ITGB3BP: variants seen among roughly 807,000 people sequenced by gnomAD.
ITGB3BP encodes the protein centromere protein R.
In ITGB3BP, 27 loss-of-function variants were observed where a neutral mutation model predicts 29.1. The observed-to-expected ratio is 0.93, with a 90% CI of 0.68 to 1.28. The LOEUF is 1.28. Among genes scored for constraint, ITGB3BP ranks in the 50% most tolerant of loss-of-function variants. The pLI is 0.00. For missense variants in ITGB3BP, 192 were observed against 200.2 expected (o/e 0.96, Z 0.25); for synonymous variants, 61 against 61.4 (o/e 0.99, Z 0.03).
chr1:63,478,551 A>C (rs972863799), intron 4 of ITGB3BP, among the ~76,000 whole-genome samples: 2 of 152,228 alleles, frequency 1.3e-5, no homozygotes, highest in African/African-American at 2.4e-5. Context: ...ACAGGGCTCA[A>C]TGAGTATTAA....
At chr1:63,500,669 T>G (rs1450058988) in intron 2 of ITGB3BP, among the ~76,000 whole-genome samples, 1 of 152,200 alleles carries the variant, frequency 6.6e-6, no homozygotes, top group South Asian at 2.1e-4. Context: ...CATTCATGGT[T>G]TGGATGACTT....
Position 63,523,172 on chromosome 1 carries a change from C to G in ITGB3BP, c.-39G>C. Reference sequence around the variant, plus strand: ...AAAGCACCACTGCCGCTGAATAAAACGAACCCAGCAACTTCCGAAAACAGA... The same window carrying G: ...AAAGCACCACTGCCGCTGAATAAAAGGAACCCAGCAACTTCCGAAAACAGA... On this transcript the variant is annotated 5_prime_UTR_variant, in exon 1 of 9. Transcript: ENST00000271002. 3 of 1,613,622 alleles carry G rather than the reference C, an allele frequency of 1.9e-6. No homozygotes were observed. Among genetic ancestry groups the G allele is most frequent in the Admixed American group, 1.7e-5 (1 of 60,024 alleles).
intron 8 of ITGB3BP, among the ~76,000 whole-genome samples, chr1:63,446,373 T>A (rs982222422): frequency 6.6e-6 from 1 of 152,228 alleles, no homozygotes; most frequent in Non-Finnish European, 1.5e-5. Context: ...CTAATAAATA[T>A]AGATTTATTT....
chr1:63,461,598 T>C (rs1247423428), intron 4 of ITGB3BP, among the ~76,000 whole-genome samples: 2 of 152,234 alleles, frequency 1.3e-5, no homozygotes, highest in African/African-American at 4.8e-5. Context: ...TAAATGGTTT[T>C]AGCCCTTATA....
At chr1:63,448,958 G>C (rs935661012) in intron 7 of ITGB3BP, among the ~76,000 whole-genome samples, 2 of 152,164 alleles carry the variant, frequency 1.3e-5, no homozygotes, top group African/African-American at 4.8e-5. Context: ...TGGCAAATGT[G>C]TATGAGTCAG....
At chr1:63,524,879 A>G (rs1646556531), upstream of ITGB3BP, among the ~76,000 whole-genome samples, 1 of 152,222 alleles carries the variant, frequency 6.6e-6, no homozygotes, top group Non-Finnish European at 1.5e-5. Context: ...TCTTATGTAC[A>G]GAGGTGCTAT....
chr1:63,513,702 T>A (rs1646251102), intron 1 of ITGB3BP, among the ~76,000 whole-genome samples: 1 of 152,178 alleles, frequency 6.6e-6, no homozygotes, highest in Non-Finnish European at 1.5e-5. Context: ...CATATTGACA[T>A]CTCCAATGCC....
chr1:63,480,944 A>C (rs1645427711), intron 3 of ITGB3BP, among the ~76,000 whole-genome samples: 1 of 152,150 alleles, frequency 6.6e-6, no homozygotes. Context: ...GTGGAAAACC[A>C]CAAATGAAAA....
intron 2 of ITGB3BP, among the ~76,000 whole-genome samples, chr1:63,492,928 A>T (rs920825318): frequency 1.3e-5 from 2 of 151,564 alleles, no homozygotes; most frequent in African/African-American, 4.8e-5. Context: ...GAGCAACATG[A>T]CAAAACCCCG....
intron 4 of ITGB3BP, chr1:63,458,044 C>T (rs1034562775): frequency 6.6e-6 from 1 of 152,102 alleles, no homozygotes; most frequent in African/African-American, 2.4e-5. Flanking sequence ...AGAAGAGTTG[C>T]ATTGTGAAAT....
chr1:63,472,991 A>T (rs1353930242), intron 4 of ITGB3BP, among the ~76,000 whole-genome samples: 1 of 150,052 alleles, frequency 6.7e-6, no homozygotes, highest in Non-Finnish European at 1.5e-5. Flanking sequence ...GAAAGTGAGG[A>T]GCGTCTCTGC....
intron 4 of ITGB3BP, among the ~76,000 whole-genome samples, chr1:63,477,743 C>A (rs551246153): frequency 2.2e-4 from 33 of 151,926 alleles, no homozygotes; most frequent in Non-Finnish European, 4.4e-4. Context: ...AGATCATAAG[C>A]TCCCAATGGG....
Position 63,490,092 on chromosome 1 carries a change from G to A in ITGB3BP, c.175C>T (p.Leu59=). ...SSEEQKHRNG[L]SNEKRKKLNH... ...AGAATGTTCAACTAACCATTTGATA[G>A]TCCATTTCTGTGCTTTTGCTCTTCA... The change falls in exon 3 of 9, where the codon CTA becomes TTA. Residue 59 remains leucine, a synonymous_variant. Coordinates refer to ENST00000271002, the MANE Select transcript of ITGB3BP (RefSeq NM_014288.5). The A allele has an allele frequency of 6.2e-7, 1 of 1,610,452 alleles. No homozygotes were observed. The highest frequency in any genetic ancestry group is 8.5e-7 in the Non-Finnish European group (1 of 1,178,314).
chr1:63,525,376 C>A (rs541678874), upstream of ITGB3BP, among the ~76,000 whole-genome samples: 91 of 152,056 alleles, frequency 6.0e-4, no homozygotes, highest in Non-Finnish European at 9.7e-4. Context: ...ATATATAATA[C>A]GTCCATATAC....
At position 63,515,071 on chromosome 1, in the gene ITGB3BP, C is replaced by T. The variant is rs540968323; in HGVS notation, c.6-6501G>A. 1.6e-4 allele frequency among the ~76,000 whole-genome samples: 24 copies of T among 152,020 alleles called. 1 individual carries two copies. The South Asian group carries it at 3.1e-3, about 20-fold the overall frequency. Reference sequence around the variant, plus strand: ...TTTTTCTTTTATAATTATTGCTTTCCGCGTCTTGCCTGAAATTTCACCTAC... The same window carrying T: ...TTTTTCTTTTATAATTATTGCTTTCTGCGTCTTGCCTGAAATTTCACCTAC... On this transcript the variant is annotated intron_variant, in intron 1 of 8. Transcript: ENST00000271002.
chr1:63,499,707 C>T (rs1009366193), intron 2 of ITGB3BP, among the ~76,000 whole-genome samples: 1 of 152,048 alleles, frequency 6.6e-6, no homozygotes, highest in South Asian at 2.1e-4. Context: ...CAATGTAATA[C>T]ACTATATTAA....
At chr1:63,489,807 G>T (rs770634571) in intron 3 of ITGB3BP, among the ~76,000 whole-genome samples, 7 of 152,036 alleles carry the variant, frequency 4.6e-5, no homozygotes, top group Non-Finnish European at 4.4e-5. Context: ...GGGCATATCT[G>T]TAACCATTAT....
Position 63,512,853 on chromosome 1 carries a change from G to C in ITGB3BP, c.6-4283C>G, listed in dbSNP as rs539404574. ...CTTGTGAGATTCTTAGAAATCCTTT[G>C]ATGAAAGGCAATGGCCAAATTCACA... On this transcript the variant is annotated intron_variant, in intron 1 of 8. Transcript: ENST00000271002. Among the ~76,000 whole-genome samples, 187 of 152,304 alleles carry C rather than the reference G, an allele frequency of 1.2e-3. 1 individual carries two copies. In the Middle Eastern group the frequency reaches 0.014, roughly 11 times the overall value.
In ITGB3BP at chr1:63,507,905, T is replaced by C. The variant is rs1029271747; in HGVS notation, c.48+623A>G. Among the ~76,000 whole-genome samples, 4 of 152,204 alleles carry C rather than the reference T, an allele frequency of 2.6e-5. No individual in the cohort carries two copies. The South Asian group carries it at 6.2e-4, about 24-fold the overall frequency. ...ACTGAGGTCATAAGTATCTCAGTAT[T>C]AGTGTTTCTATCTAGATCCATAGTT... On this transcript the variant is annotated intron_variant, in intron 2 of 8. Transcript: ENST00000271002.
Sources: allele counts gnomAD v4.1 joint callset (sites outside exome capture counted in the v4.1 genomes callset), GRCh38; gene constraint gnomAD v4.1.1; transcripts MANE v1.5; gene names NCBI Gene and HGNC (gene_info 2026-07-23, HGNC 2026-07-21).